Variants in RORB observed in about 807,000 individuals in gnomAD.
The protein encoded by RORB is RAR related orphan receptor B, also known as nuclear receptor ROR-beta.
A neutral mutation model predicts 59.1 loss-of-function variants in RORB; 6 were observed. The ratio of observed to expected loss-of-function variants is 0.10; its 90% confidence interval spans 0.06 to 0.20. The LOEUF is 0.20. RORB is among the 10% of genes least tolerant of loss of function. The pLI, the probability that RORB is intolerant of heterozygous loss-of-function variation, is 1.00. For synonymous variants in RORB, 215 were observed against 204.5 expected (o/e 1.05, Z -0.44); for missense variants, 320 against 560.5 (o/e 0.57, Z 4.33).
At chr9:74,608,936 A>G (rs1174698706) in intron 1 of RORB, among the ~76,000 whole-genome samples, 1 of 152,212 alleles carries the variant, frequency 6.6e-6, no homozygotes, top group Non-Finnish European at 1.5e-5. Context: ...CATTTTGCCA[A>G]TACAGATTTG....
chr9:74,540,284 A>G (rs1204231581), intron 1 of RORB, among the ~76,000 whole-genome samples: 1 of 152,060 alleles, frequency 6.6e-6, no homozygotes, highest in Non-Finnish European at 1.5e-5. Context: ...TGCCTCCTCT[A>G]GCTTATCACT....
intron 1 of RORB, among the ~76,000 whole-genome samples, chr9:74,563,314 T>C (rs1249006654): frequency 6.6e-6 from 1 of 151,568 alleles, no homozygotes; most frequent in South Asian, 2.1e-4. Context: ...GCCTCCCGAG[T>C]AGCTAGGACT....
intron 3 of RORB, among the ~76,000 whole-genome samples, chr9:74,641,631 T>C (rs1682982500): frequency 6.6e-6 from 1 of 152,138 alleles, no homozygotes; most frequent in South Asian, 2.1e-4. Context: ...CCGGGTGCAG[T>C]GGCTCACATC....
At chr9:74,685,382 G>A in intron 9 of RORB, 81 bp from the exon 10 acceptor site, 1 of 1,156,098 alleles carries the variant, frequency 8.6e-7, no homozygotes. Flanking sequence ...TTCATCTGGG[G>A]CCAGAAAGGA....
chr9:74,639,921 C>A (rs1300663076), intron 3 of RORB, among the ~76,000 whole-genome samples: 1 of 152,192 alleles, frequency 6.6e-6, no homozygotes, highest in Non-Finnish European at 1.5e-5. Context: ...ACAGAGGAAG[C>A]TTGCCCTACA....
intron 1 of RORB, among the ~76,000 whole-genome samples, chr9:74,600,966 A>T (rs1823045203): frequency 6.6e-6 from 1 of 152,176 alleles, no homozygotes; most frequent in Non-Finnish European, 1.5e-5. Flanking sequence ...AATCTGAGGT[A>T]AAATATGTTA....
intron 1 of RORB, among the ~76,000 whole-genome samples, chr9:74,598,733 T>C (rs113612391): frequency 3.5e-4 from 53 of 152,316 alleles, no homozygotes; most frequent in African/African-American, 1.2e-3. Context: ...TAATTGACTG[T>C]CCTGTTTAGT....
At chr9:74,660,435 A>G (rs1449524100) in intron 4 of RORB, among the ~76,000 whole-genome samples, 182 bp from the exon 5 acceptor site, 1 of 152,210 alleles carries the variant, frequency 6.6e-6, no homozygotes, top group Non-Finnish European at 1.5e-5. Flanking sequence ...TGATTAAAAT[A>G]CTGAAAATTG....
chr9:74,528,495 G>A (rs139432611), intron 1 of RORB, among the ~76,000 whole-genome samples: 81 of 152,066 alleles, frequency 5.3e-4, no homozygotes, highest in African/African-American at 1.9e-3. Flanking sequence ...CCAGGCCAAA[G>A]TCTTGTTACC....
At chr9:74,674,512 T>A (rs996582595) in intron 9 of RORB, among the ~76,000 whole-genome samples, 2 of 152,174 alleles carry the variant, frequency 1.3e-5, no homozygotes, top group African/African-American at 2.4e-5. Flanking sequence ...AGACATCAGG[T>A]TAGAGGTACA....
intron 1 of RORB, among the ~76,000 whole-genome samples, chr9:74,615,291 T>A (rs1179332617): frequency 1.3e-5 from 2 of 152,208 alleles, no homozygotes; most frequent in East Asian, 3.9e-4. Context: ...ATTATATGTA[T>A]CTATATAATT....
intron 9 of RORB, among the ~76,000 whole-genome samples, chr9:74,680,868 G>A (rs181504122): frequency 6.6e-6 from 1 of 152,148 alleles, no homozygotes; most frequent in African/African-American, 2.4e-5. Context: ...TTTACCCTCT[G>A]CATGTTCCAT....
chr9:74,554,418 T>G (rs1563936045), intron 1 of RORB, among the ~76,000 whole-genome samples: 1 of 152,140 alleles, frequency 6.6e-6, no homozygotes, highest in Non-Finnish European at 1.5e-5. Flanking sequence ...GCACCTGGGC[T>G]CTTTCATTTC....
chr9:74,615,547 C>G (rs1433449766), intron 1 of RORB: 1 of 446,992 alleles, frequency 2.2e-6, no homozygotes, highest in African/African-American at 2.0e-5. Flanking sequence ...CTTCAGACCT[C>G]CCCAGTGAAA....
intron 9 of RORB, among the ~76,000 whole-genome samples, chr9:74,681,259 C>A (rs992936773): frequency 6.6e-6 from 1 of 152,268 alleles, no homozygotes; most frequent in East Asian, 1.9e-4. Flanking sequence ...AAATGGGGGT[C>A]CCCTGGCTGC....
intron 1 of RORB, among the ~76,000 whole-genome samples, chr9:74,591,981 AT>A (rs1355601086): frequency 2.0e-5 from 3 of 152,040 alleles, no homozygotes; most frequent in East Asian, 1.9e-4. Flanking sequence ...AGAGAGGATG[AT>A]TGCTTGTTTT....
chr9:74,544,342 C>G (rs1032888354), intron 1 of RORB, among the ~76,000 whole-genome samples: 1 of 152,168 alleles, frequency 6.6e-6, no homozygotes, highest in Non-Finnish European at 1.5e-5. Context: ...CTTCGGTTTC[C>G]AGAGACCACA....
chr9:74,605,334 C>T (rs2118336809), intron 1 of RORB, among the ~76,000 whole-genome samples: 1 of 152,280 alleles, frequency 6.6e-6, no homozygotes, highest in East Asian at 1.9e-4. Context: ...TGTAGATAGC[C>T]TTTCAAACCA....
intron 3 of RORB, among the ~76,000 whole-genome samples, chr9:74,642,024 A>G (rs1004774515): frequency 6.6e-6 from 1 of 152,214 alleles, no homozygotes; most frequent in Non-Finnish European, 1.5e-5. Flanking sequence ...GATTAAGAGA[A>G]AAGTTAGTTA....
Sources: gnomAD v4.1 joint callset for allele counts (sites outside exome capture counted in the v4.1 genomes callset) on GRCh38, gnomAD v4.1.1 for gene constraint, MANE v1.5 for transcripts, NCBI Gene and HGNC (gene_info 2026-07-23, HGNC 2026-07-21) for gene names.